Variants in CDK14 observed in about 807,000 individuals in gnomAD.
CDK14 encodes cyclin-dependent kinase 14.
CDK14 carries 34 observed loss-of-function variants against 60.7 expected under a neutral mutation model. The ratio of observed to expected loss-of-function variants is 0.56; its 90% CI spans 0.43 to 0.75. The LOEUF (loss-of-function observed/expected upper bound fraction) is 0.75. CDK14 is among the 30% of genes least tolerant of loss of function. The pLI is 0.00. For synonymous variants in CDK14, 197 were observed against 203.7 expected (o/e 0.97, Z 0.28); for missense variants, 482 against 564.1 (o/e 0.85, Z 1.47).
At chr7:91,016,851 C>T (rs1312016706) in intron 10 of CDK14, among the ~76,000 whole-genome samples, 1 of 152,156 alleles carries the variant, frequency 6.6e-6, no homozygotes, top group African/African-American at 2.4e-5. Flanking sequence ...TCTATAGTAA[C>T]TTCGCATACA....
At chr7:90,914,634 G>T (rs1204076786) in intron 7 of CDK14, among the ~76,000 whole-genome samples, 2 of 152,130 alleles carry the variant, frequency 1.3e-5, no homozygotes, top group East Asian at 3.9e-4. Context: ...GAATTTTAGT[G>T]TATAGTGGCA....
chr7:90,941,413 G>A lies in CDK14; in HGVS notation c.827-14284G>A, dbSNP rs1793928312. Among the ~76,000 whole-genome samples, 4 of 152,164 alleles carry A rather than the reference G, an allele frequency of 2.6e-5. No individual in the cohort carries two copies. In the South Asian group the frequency reaches 8.3e-4, roughly 32 times the overall value. ...GGCTTGGTCTCTTTCCAGGACATTGGGGCTCCTCAACATGGGCCCTGGTTA... is the reference window on the plus strand; with the variant it reads ...GGCTTGGTCTCTTTCCAGGACATTGAGGCTCCTCAACATGGGCCCTGGTTA... On this transcript the variant is annotated intron_variant, in intron 8 of 14. Coordinates refer to ENST00000380050, the MANE Select transcript of CDK14 (RefSeq NM_001287135.2).
intron 2 of CDK14, among the ~76,000 whole-genome samples, chr7:90,687,576 C>CAT (rs1745741836): frequency 6.6e-6 from 1 of 151,956 alleles, no homozygotes; most frequent in Non-Finnish European, 1.5e-5. Context: ...GATCTAGATA[C>CAT]ATATTAATGA....
chr7:90,790,786 A>C (rs1805800726), intron 5 of CDK14, 134 bp downstream of exon 5: 4 of 544,584 alleles, frequency 7.3e-6, no homozygotes, highest in Non-Finnish European at 9.8e-6. Context: ...TGTAAACTGA[A>C]ATTTAAAAAT....
At chr7:91,053,003 CA>C (rs60820492) in intron 11 of CDK14, among the ~76,000 whole-genome samples, 20,307 of 144,812 alleles carry the variant, frequency 0.14, 1,467 homozygotes, top group Middle Eastern at 0.17. Flanking sequence ...TGTAATGAGG[CA>C]AAAAAAAAAG....
chr7:90,716,171 T>A (rs1802243461), intron 2 of CDK14, among the ~76,000 whole-genome samples: 1 of 152,024 alleles, frequency 6.6e-6, no homozygotes, highest in African/African-American at 2.4e-5. Flanking sequence ...CTGAAAGACA[T>A]CTCATCTGGC....
chr7:90,636,639 C>T (rs979998548), intron 2 of CDK14, among the ~76,000 whole-genome samples: 1 of 151,906 alleles, frequency 6.6e-6, no homozygotes, highest in Non-Finnish European at 1.5e-5. Flanking sequence ...CAGGATGATG[C>T]TGGCCTCATA....
At chr7:91,197,924 A>C (rs2115977676) in intron 14 of CDK14, among the ~76,000 whole-genome samples, 1 of 152,346 alleles carries the variant, frequency 6.6e-6, no homozygotes, top group South Asian at 2.1e-4. Flanking sequence ...TCCACGGATG[A>C]ATTCAGTGAT....
At chr7:90,615,470 T>G (rs1458167145) in intron 2 of CDK14, among the ~76,000 whole-genome samples, 2 of 152,258 alleles carry the variant, frequency 1.3e-5, no homozygotes, top group Non-Finnish European at 2.9e-5. Flanking sequence ...CTAGCAGATC[T>G]CGAACACGTT....
At chr7:91,096,029 A>G (rs1163699839) in intron 12 of CDK14, among the ~76,000 whole-genome samples, 3 of 132,246 alleles carry the variant, frequency 2.3e-5, no homozygotes, top group African/African-American at 8.7e-5. Context: ...TAAAATGGCA[A>G]ATTTTCAGTT....
intron 2 of CDK14, among the ~76,000 whole-genome samples, chr7:90,646,444 A>G (rs1429745073): frequency 6.6e-6 from 1 of 151,752 alleles, no homozygotes; most frequent in Non-Finnish European, 1.5e-5. Flanking sequence ...TTAAGCCTTT[A>G]TTCTTTTCTC....
rs375103874 is a variant in CDK14 at position 91,197,316 on chromosome 7, C to CT, written c.*29-9849_*29-9848insT. ...TCTGGAGGCTGGGGCAGGAGAATCACGTGAACCCAGGAGGCAGAGGTTGCA... is the reference window on the plus strand; with the variant it reads ...TCTGGAGGCTGGGGCAGGAGAATCACTGTGAACCCAGGAGGCAGAGGTTGCA... On this transcript the variant is annotated intron_variant, in intron 14 of 14. Transcript: ENST00000380050. Among the ~76,000 whole-genome samples, 676 of 151,068 alleles carry CT rather than the reference C, an allele frequency of 4.5e-3. 2 individuals are homozygous for CT. The highest frequency in any genetic ancestry group is 0.01 in the Middle Eastern group (3 of 294).
At chr7:90,697,653 T>C (rs1801688469) in intron 2 of CDK14, among the ~76,000 whole-genome samples, 1 of 152,170 alleles carries the variant, frequency 6.6e-6, no homozygotes, top group Admixed American at 6.5e-5. Context: ...AGAATAAAAA[T>C]TTTACACAAT....
At chr7:90,919,002 C>T (rs534861038) in intron 8 of CDK14, among the ~76,000 whole-genome samples, 1 of 152,174 alleles carries the variant, frequency 6.6e-6, no homozygotes, top group East Asian at 1.9e-4. Flanking sequence ...CAGATTTTAA[C>T]ATTGGAATTA....
At chr7:90,977,608 C>T (rs1393491045) in intron 9 of CDK14, among the ~76,000 whole-genome samples, 1 of 151,988 alleles carries the variant, frequency 6.6e-6, no homozygotes, top group Non-Finnish European at 1.5e-5. Flanking sequence ...TACGGGAAAT[C>T]ATGACATGTC....
chr7:90,991,198 G>A (rs1292761772), intron 10 of CDK14, among the ~76,000 whole-genome samples: 1 of 152,164 alleles, frequency 6.6e-6, no homozygotes, highest in Non-Finnish European at 1.5e-5. Flanking sequence ...TCAAGGTACT[G>A]GACTTTATGT....
chr7:90,822,332 A>G (rs757755329), intron 5 of CDK14, among the ~76,000 whole-genome samples: 4 of 152,244 alleles, frequency 2.6e-5, no homozygotes, highest in Non-Finnish European at 5.9e-5. Flanking sequence ...CTTCCCTGAA[A>G]GAATTTCAGA....
intron 2 of CDK14, among the ~76,000 whole-genome samples, chr7:90,706,802 G>T (rs1336994727): frequency 6.6e-6 from 1 of 152,192 alleles, no homozygotes; most frequent in Non-Finnish European, 1.5e-5. Context: ...GTTGTGCTCA[G>T]ATCCACTTGG....
At chr7:90,908,480 A>G (rs1272918009) in intron 7 of CDK14, among the ~76,000 whole-genome samples, 1 of 152,288 alleles carries the variant, frequency 6.6e-6, no homozygotes, top group Admixed American at 6.5e-5. Context: ...GTGTTACATG[A>G]TGCTTTAATT....
Sources: allele counts gnomAD v4.1 joint callset (sites outside exome capture counted in the v4.1 genomes callset), GRCh38; gene constraint gnomAD v4.1.1; transcripts MANE v1.5; gene names NCBI Gene and HGNC (gene_info 2026-07-23, HGNC 2026-07-21).